The following OCA2 variants were observed in gnomAD, a reference collection of about 807,000 sequenced individuals.
OCA2 encodes P protein.
A neutral mutation model predicts 100.2 loss-of-function variants in OCA2; 77 were observed. The observed-to-expected ratio is 0.77, with a 90% CI of 0.64 to 0.93. The LOEUF is 0.93. OCA2 is among the 40% of genes least tolerant of loss of function. The probability of loss-of-function intolerance (pLI) is 0.00; values close to 1 mark genes in which losing one functional copy is unlikely to be tolerated. For synonymous variants in OCA2, 432 were observed against 439.2 expected (o/e 0.98, Z 0.21); for missense variants, 1,062 against 1,089.1 (o/e 0.98, Z 0.35).
intron 19 of OCA2, among the ~76,000 whole-genome samples, chr15:27,902,529 G>C: frequency 6.6e-6 from 1 of 152,134 alleles, no homozygotes; most frequent in Non-Finnish European, 1.5e-5. Context: ...ATAAACAAAA[G>C]ACATCGCCAA....
intron 22 of OCA2, among the ~76,000 whole-genome samples, chr15:27,846,622 C>T (rs1160838203): frequency 6.6e-6 from 1 of 152,168 alleles, no homozygotes; most frequent in Non-Finnish European, 1.5e-5. Context: ...AGCATTTCAC[C>T]CTGTCTGCTG....
At chr15:28,091,623 A>C (rs80238606) in intron 1 of OCA2, among the ~76,000 whole-genome samples, 1,776 of 152,312 alleles carry the variant, frequency 0.012, 27 homozygotes, top group African/African-American at 0.041. Flanking sequence ...AATGTGTACA[A>C]TAACATTAAT....
At chr15:28,097,143 C>T (rs2045000647) in intron 1 of OCA2, among the ~76,000 whole-genome samples, 1 of 152,238 alleles carries the variant, frequency 6.6e-6, no homozygotes, top group African/African-American at 2.4e-5. Context: ...CGGAATGCGC[C>T]TCCTGGCGCC....
intron 23 of OCA2, among the ~76,000 whole-genome samples, chr15:27,816,957 C>T (rs2034326243): frequency 6.6e-6 from 1 of 152,122 alleles, no homozygotes; most frequent in Non-Finnish European, 1.5e-5. Context: ...TTCAGGCCTC[C>T]CTTCCCCTAT....
intron 19 of OCA2, among the ~76,000 whole-genome samples, chr15:27,901,886 G>C (rs970441730): frequency 6.6e-6 from 1 of 152,186 alleles, no homozygotes; most frequent in Admixed American, 6.5e-5. Context: ...TGAGGCTGGG[G>C]ACACAAGACT....
chr15:28,029,243 G>A (rs557055371), intron 3 of OCA2, among the ~76,000 whole-genome samples: 2 of 152,190 alleles, frequency 1.3e-5, no homozygotes, highest in African/African-American at 4.8e-5. Flanking sequence ...CAGAAGAAGC[G>A]TAGAGATGCC....
At chr15:27,820,600 T>C (rs562774608) in intron 23 of OCA2, among the ~76,000 whole-genome samples, 112 of 152,234 alleles carry the variant, frequency 7.4e-4, no homozygotes, top group Non-Finnish European at 1.2e-3. Flanking sequence ...GGAGATATGA[T>C]GACAAAATGG....
intron 14 of OCA2, among the ~76,000 whole-genome samples, chr15:27,980,968 C>CA (rs2041141918): frequency 6.6e-6 from 1 of 152,130 alleles, no homozygotes; most frequent in Non-Finnish European, 1.5e-5. Context: ...TTTTCCGTTC[C>CA]CCTCTCTCCT....
chr15:27,777,252 G>T (rs570423531), intron 23 of OCA2, among the ~76,000 whole-genome samples: 1 of 152,032 alleles, frequency 6.6e-6, no homozygotes, highest in Non-Finnish European at 1.5e-5. Flanking sequence ...GAGCAGGAAG[G>T]GTCCTACTTA....
At chr15:27,797,932 G>C (rs2033416503) in intron 23 of OCA2, among the ~76,000 whole-genome samples, 1 of 152,170 alleles carries the variant, frequency 6.6e-6, no homozygotes, top group South Asian at 2.1e-4. Flanking sequence ...GCTCTGCTGG[G>C]AAGCCAGCCA....
intron 9 of OCA2, among the ~76,000 whole-genome samples, chr15:27,994,059 C>A (rs1566771699): frequency 6.6e-6 from 1 of 152,068 alleles, no homozygotes; most frequent in Admixed American, 6.5e-5. Flanking sequence ...AATAAAAATT[C>A]TTAAAAGATG....
intron 23 of OCA2, among the ~76,000 whole-genome samples, chr15:27,831,443 A>G (rs1162070904): frequency 6.6e-6 from 1 of 152,076 alleles, no homozygotes; most frequent in Non-Finnish European, 1.5e-5. Flanking sequence ...GGCACAGACT[A>G]CCCCACCCTC....
At chr15:27,895,500 G>C (rs1364947127) in intron 19 of OCA2, among the ~76,000 whole-genome samples, 6 of 152,212 alleles carry the variant, frequency 3.9e-5, no homozygotes, top group Non-Finnish European at 8.8e-5. Flanking sequence ...GGTGGTCCCA[G>C]ACGGACCTGA....
intron 14 of OCA2, among the ~76,000 whole-genome samples, chr15:27,980,023 A>T (rs900102630): frequency 6.7e-6 from 1 of 148,654 alleles, no homozygotes; most frequent in Non-Finnish European, 1.5e-5. Flanking sequence ...ACATTAATAT[A>T]CTTTAATTTC....
Position 28,081,703 on chromosome 15 carries a change from G to T in OCA2, c.172C>A (p.Gln58Lys), listed in dbSNP as rs781727577. The T allele has an allele frequency of 7.4e-6, 12 of 1,613,834 alleles. No individual in the cohort carries two copies. The South Asian group carries it at 1.2e-4, about 16-fold the overall frequency. ...SHSCPRGAAG[Q>K]SSWAPAGQEF... ...TGGCCTGCAGGAGCCCAAGAGCTCT[G>T]CCCGGCAGCCCCCCTGGGGCAGGAG... Residue 58 changes from glutamine to lysine, a missense_variant, in exon 2 of 24, where the codon CAG becomes AAG. Gln to Lys is a moderately conservative substitution (Grantham distance 53). Transcript: ENST00000354638.
intron 18 of OCA2, chr15:27,950,628 A>T: frequency 2.1e-6 from 1 of 478,356 alleles, no homozygotes; most frequent in Non-Finnish European, 4.2e-6. Flanking sequence ...ACATAACACA[A>T]AGCTGGAACT....
In OCA2 at chr15:27,914,073, T is replaced by A. The variant is rs553726935; in HGVS notation, c.2079+12054A>T. On this transcript the variant is annotated intron_variant, in intron 19 of 23. Coordinates refer to ENST00000354638, the MANE Select transcript of OCA2 (RefSeq NM_000275.3). ...AGGCTCTATCTCTTAGATGCAAGTTTGGTGCAACATATGCAAATCAATAAA... is the reference window on the plus strand; with the variant it reads ...AGGCTCTATCTCTTAGATGCAAGTTAGGTGCAACATATGCAAATCAATAAA... Among the ~76,000 whole-genome samples the A allele has an allele frequency of 2.4e-4, 37 of 152,244 alleles. 1 individual carries two copies. In the South Asian group the frequency reaches 7.5e-3, roughly 31 times the overall value.
At chr15:27,732,643 G>T in the OCA2 span, among the ~76,000 whole-genome samples, 1 of 152,164 alleles carries the variant, frequency 6.6e-6, no homozygotes. Flanking sequence ...TGCTGTGCAG[G>T]CTGGGTTCTC....
intron 18 of OCA2, among the ~76,000 whole-genome samples, chr15:27,940,852 G>T (rs979632669): frequency 6.6e-6 from 1 of 152,204 alleles, no homozygotes; most frequent in African/African-American, 2.4e-5. Flanking sequence ...AAAAGTTTGA[G>T]AAGTGAATGG....
Sources: gnomAD v4.1 joint callset for allele counts (sites outside exome capture counted in the v4.1 genomes callset) on GRCh38, gnomAD v4.1.1 for gene constraint, MANE v1.5 for transcripts, NCBI Gene and HGNC (gene_info 2026-07-23, HGNC 2026-07-21) for gene names.